The following FAAP24 variants were observed in gnomAD, a reference collection of about 807,000 sequenced individuals.
FAAP24 encodes the protein Fanconi anemia core complex-associated protein 24.
A neutral mutation model predicts 14.3 loss-of-function variants in FAAP24; 16 were observed. The observed-to-expected ratio is 1.12, with a 90% CI of 0.76 to 1.69. The LOEUF is 1.69. Among genes scored for constraint, FAAP24 ranks in the 40% most tolerant of loss-of-function variants. The pLI is 0.00. For synonymous variants in FAAP24, 111 were observed against 106.2 expected (o/e 1.04, Z -0.28); for missense variants, 234 against 262.7 (o/e 0.89, Z 0.75).
intron 4 of FAAP24, 25 bp downstream of exon 4, chr19:32,974,237 G>T (rs189096151): frequency 1.2e-6 from 2 of 1,602,596 alleles, no homozygotes; most frequent in Non-Finnish European, 8.5e-7. Flanking sequence ...CTACACCTTC[G>T]TGGTAGTCCT....
rs780439823 is a variant in FAAP24, at chr19:32,976,647, C to T, written c.613C>T (p.Gln205Ter). 1.2e-6 allele frequency: 2 copies of T among 1,614,074 alleles called. No homozygotes were observed. Among genetic ancestry groups the T allele is most frequent in the Non-Finnish European group, 1.7e-6 (2 of 1,180,050 alleles). ...GCAGGTGGTCGGACAAGCAGTGGCACAGCAGATCCATGCCTTCTTCACGCA... is the reference window on the plus strand; with the variant it reads ...GCAGGTGGTCGGACAAGCAGTGGCATAGCAGATCCATGCCTTCTTCACGCA... ...LEQVVGQAVA[Q>*]QIHAFFTQPR The change falls in exon 5 of 5, where the codon CAG (glutamine) becomes TAG (stop). Residue 205 changes from glutamine (Q) to a stop codon, truncating the protein, a stop_gained. Coordinates refer to ENST00000588258, the MANE Select transcript of FAAP24 (RefSeq NM_152266.5). LOFTEE classifies it high-confidence loss of function.
chr19:32,974,807 A>G (rs757279668), intron 4 of FAAP24, among the ~76,000 whole-genome samples: 6 of 151,950 alleles, frequency 3.9e-5, no homozygotes, highest in Non-Finnish European at 7.4e-5. Context: ...AAGAAAGAAA[A>G]TGTTAACTAG....
At position 32,977,187 on chromosome 19, in the gene FAAP24, G is replaced by T. The variant is rs370383001; in HGVS notation, c.*505G>T. Reference sequence around the variant, plus strand: ...TTGTGAAGTTAGTGGGCCGCAGAGGGCACTGCCTTCATTCTGCTAAGACGA... The same window carrying T: ...TTGTGAAGTTAGTGGGCCGCAGAGGTCACTGCCTTCATTCTGCTAAGACGA... On this transcript the variant is annotated 3_prime_UTR_variant, in exon 5 of 5. Coordinates refer to ENST00000588258, the MANE Select transcript of FAAP24 (RefSeq NM_152266.5). 7.5e-6 allele frequency: 3 copies of T among 400,840 alleles called. No individual in the cohort carries two copies. Among genetic ancestry groups the T allele is most frequent in the African/African-American group, 6.2e-5 (3 of 48,766 alleles). The allele number at this position is 400,840 out of a possible 1,614,324, so 24.8% of individuals were successfully genotyped here.
chr19:32,975,723 G>C (rs947120381), intron 4 of FAAP24, among the ~76,000 whole-genome samples: 1 of 152,168 alleles, frequency 6.6e-6, no homozygotes, highest in African/African-American at 2.4e-5. Context: ...CTCCCAAAGT[G>C]CTGGGATTAC....
At position 32,977,675 on chromosome 19, in the gene FAAP24, C is replaced by CT. The variant is rs1971538635; in HGVS notation, c.*996dup. On this transcript the variant is annotated 3_prime_UTR_variant, in exon 5 of 5. Transcript: ENST00000588258. ...GTGGCTCACACCTGTAATCCCAGCACTTTGGGAGGCCAAGGGGGGTGAATC... is the reference window on the plus strand; with the variant it reads ...GTGGCTCACACCTGTAATCCCAGCACTTTTGGGAGGCCAAGGGGGGTGAATC... The CT allele has an allele frequency of 2.7e-6, 1 of 374,036 alleles. No individual in the cohort carries two copies. Among genetic ancestry groups the CT allele is most frequent in the South Asian group, 1.5e-4 (1 of 6,820 alleles). The allele number at this position is 374,036 out of a possible 1,614,324, so 23.2% of individuals were successfully genotyped here. A position where few individuals can be genotyped will look rare whatever the true frequency, so the allele number is the denominator to read the frequency against.
intron 4 of FAAP24, among the ~76,000 whole-genome samples, chr19:32,975,738 G>A (rs1246065361): frequency 6.6e-6 from 1 of 152,154 alleles, no homozygotes; most frequent in African/African-American, 2.4e-5. Context: ...GATTACAGTC[G>A]TGAGCCATCG....
At position 32,974,120 on chromosome 19, in the gene FAAP24, C is replaced by G; in HGVS notation, c.304C>G (p.Pro102Ala). 6.2e-7 allele frequency: 1 copy of G among 1,614,162 alleles called. No individual in the cohort carries two copies. The highest frequency in any genetic ancestry group is 8.5e-7 in the Non-Finnish European group (1 of 1,180,014). The change falls in exon 4 of 5, where the codon CCA becomes GCA. Residue 102 changes from proline to alanine, a missense_variant. By Grantham distance (27) the Pro-to-Ala change is conservative. Coordinates refer to ENST00000588258, the MANE Select transcript of FAAP24 (RefSeq NM_152266.5). ...EKTRMSEQYF[P>A]ALQKFTVLDL... ...AACCCGGATGAGTGAACAATACTTCCCAGCCCTACAGAAGTTTACTGTGCT... is the reference window on the plus strand; with the variant it reads ...AACCCGGATGAGTGAACAATACTTCGCAGCCCTACAGAAGTTTACTGTGCT...
At chr19:32,973,071 A>G in intron 1 of FAAP24, 113 bp from the exon 2 acceptor site, 1 of 748,660 alleles carries the variant, frequency 1.3e-6, no homozygotes. Flanking sequence ...GTTCTTTGAC[A>G]AATAATTCAG....
intron 3 of FAAP24, 109 bp from the exon 4 acceptor site, chr19:32,973,950 TG>T: frequency 9.7e-7 from 1 of 1,028,690 alleles, no homozygotes; most frequent in Non-Finnish European, 1.5e-6. Context: ...CTCCATCCCT[TG>T]GTATCATTTA....
In FAAP24 at chr19:32,977,271, A is replaced by G; in HGVS notation, c.*589A>G. On this transcript the variant is annotated 3_prime_UTR_variant, in exon 5 of 5. Transcript: ENST00000588258. ...GGACTCACACTCAGCAAAAAGCATT[A>G]GGGCCGATTTTAATGTGCGACCTTG... The G allele has an allele frequency of 2.5e-6, 1 of 398,862 alleles. No homozygotes were observed. Among genetic ancestry groups the G allele is most frequent in the Non-Finnish European group, 4.4e-6 (1 of 226,302 alleles). 24.7% of individuals were successfully genotyped at this position (398,862 alleles called of 1,614,324 possible).
chr19:32,974,304 TTC>T, intron 4 of FAAP24, 92 bp downstream of exon 4: 1 of 1,401,812 alleles, frequency 7.1e-7, no homozygotes, highest in Non-Finnish European at 9.7e-7. Context: ...ATCTATGTCA[TTC>T]TCTGACTTGG....
At chr19:32,974,289 A>G in intron 4 of FAAP24, 77 bp downstream of exon 4, 1 of 1,465,812 alleles carries the variant, frequency 6.8e-7, no homozygotes, top group East Asian at 2.3e-5. Context: ...GCAACCATCA[A>G]TCCAATCTAT....
chr19:32,974,214 T>C lies in FAAP24; in HGVS notation c.396+2T>C. ...GCATCCTGCCTCGTCATCCAGTTGG[T>C]GAGTACCGATTCCTACACCTTCGTG... is the stretch of plus-strand genomic sequence containing the variant. On this transcript the variant is annotated splice_donor_variant, in intron 4 of 4. Transcript: ENST00000588258. LOFTEE classifies it high-confidence loss of function. 1 of 1,612,052 alleles carries C rather than the reference T, an allele frequency of 6.2e-7. No homozygotes were observed. Among genetic ancestry groups the C allele is most frequent in the Non-Finnish European group, 8.5e-7 (1 of 1,179,434 alleles).
At chr19:32,976,405 G>A (rs758416779) in intron 4 of FAAP24, 26 bp from the exon 5 acceptor site, 149 of 1,593,576 alleles carry the variant, frequency 9.4e-5, no homozygotes, top group Non-Finnish European at 1.0e-4. Flanking sequence ...GGGCGCTCAC[G>A]TGCTGTTGCT....
rs142660177 is a variant in FAAP24 at position 32,975,173 on chromosome 19, GT to G, written c.396+976del. Among the ~76,000 whole-genome samples, 534 of 135,716 alleles carry G rather than the reference GT, an allele frequency of 3.9e-3. 3 individuals carry two copies. The highest frequency in any genetic ancestry group is 0.011 in the African/African-American group (412 of 37,102). The allele number at this position is 135,716 out of a possible 152,430, so 89.0% of individuals were successfully genotyped here. A position where few individuals can be genotyped will look rare whatever the true frequency, so the allele number is the denominator to read the frequency against. Reference sequence around the variant, plus strand: ...AGGTGTGAGCCACCATGCCTGGGCAGTTTTTTTTTTTTTTTAGATAGGGTCT... The same window carrying G: ...AGGTGTGAGCCACCATGCCTGGGCAGTTTTTTTTTTTTTTAGATAGGGTCT... On this transcript the variant is annotated intron_variant, in intron 4 of 4. Coordinates refer to ENST00000588258, the MANE Select transcript of FAAP24 (RefSeq NM_152266.5).
chr19:32,977,777 G>A lies in FAAP24; in HGVS notation c.*1095G>A, dbSNP rs1391119008. 2.0e-5 allele frequency: 4 copies of A among 195,184 alleles called. No homozygotes were observed. Among genetic ancestry groups the A allele is most frequent in the Non-Finnish European group, 4.1e-5 (4 of 97,078 alleles). The allele number at this position is 195,184 out of a possible 1,614,324, so 12.1% of individuals were successfully genotyped here. A position where few individuals can be genotyped will look rare whatever the true frequency, so the allele number is the denominator to read the frequency against. On this transcript the variant is annotated 3_prime_UTR_variant, in exon 5 of 5. Transcript: ENST00000588258. ...CTACTAAAAATACAAAAATTAGCTG[G>A]GTGTGGTGGCACACACCTGTAATCC...
chr19:32,973,926 C>A, intron 3 of FAAP24, 134 bp from the exon 4 acceptor site: 2 of 835,050 alleles, frequency 2.4e-6, no homozygotes, highest in Non-Finnish European at 3.9e-6. Flanking sequence ...TGATTTGTCT[C>A]ACCCCACCCT....
chr19:32,977,716 C>T lies in FAAP24; in HGVS notation c.*1034C>T, dbSNP rs572177191. The T allele has an allele frequency of 6.3e-6, 2 of 316,068 alleles. No homozygotes were observed. The highest frequency in any genetic ancestry group is 1.1e-5 in the Non-Finnish European group (2 of 175,320). The allele number at this position is 316,068 out of a possible 1,614,324, so 19.6% of individuals were successfully genotyped here. ...GGGGTGAATCACAAGGTCAGGAGATCCAGACCATCCTGGCCGACATGGTGA... is the reference window on the plus strand; with the variant it reads ...GGGGTGAATCACAAGGTCAGGAGATTCAGACCATCCTGGCCGACATGGTGA... On this transcript the variant is annotated 3_prime_UTR_variant, in exon 5 of 5. Coordinates refer to ENST00000588258, the MANE Select transcript of FAAP24 (RefSeq NM_152266.5).
At chr19:32,976,042 A>G (rs1427930357) in intron 4 of FAAP24, among the ~76,000 whole-genome samples, 1 of 152,076 alleles carries the variant, frequency 6.6e-6, no homozygotes, top group Non-Finnish European at 1.5e-5. Flanking sequence ...TATAACCACC[A>G]CTAACTAGAC....
Sources: allele counts gnomAD v4.1 joint callset (sites outside exome capture counted in the v4.1 genomes callset), GRCh38; gene constraint gnomAD v4.1.1; transcripts MANE v1.5; gene names NCBI Gene and HGNC (gene_info 2026-07-23, HGNC 2026-07-21).